The following ZFP3 variants were observed in gnomAD, a reference collection of about 807,000 sequenced individuals.
ZFP3 encodes the protein ZFP3 zinc finger protein.
In ZFP3, 18 loss-of-function variants were observed where a neutral mutation model predicts 36.7. That is an observed-to-expected ratio of 0.49 (90% CI 0.34 to 0.73). The LOEUF (loss-of-function observed/expected upper bound fraction) is 0.73, where lower values mean the gene tolerates loss of function less well. Ranked by LOEUF, ZFP3 falls within the 30% of genes least tolerant of loss-of-function variation. ZFP3 has a pLI of 0.01. For missense variants in ZFP3, 495 were observed against 599.0 expected, an observed-to-expected ratio of 0.83 and a Z score of 1.81; for synonymous variants, 218 against 199.0, an observed-to-expected ratio of 1.10 and a Z score of -0.81.
At position 5,092,228 on chromosome 17, in the gene ZFP3, C is replaced by T. The variant is rs201947091; in HGVS notation, c.724C>T (p.Leu242=). The change falls in exon 2 of 2, where the codon CTA becomes TTA. Residue 242 remains leucine, a synonymous_variant. Coordinates refer to ENST00000318833, the MANE Select transcript of ZFP3 (RefSeq NM_153018.3). This position sits in a 1 kb window ranked among gnomAD's most constrained non-coding sequence, Gnocchi z 5.0. ...KAFSQNSALI[L]HQRIHTGEKP... is the part of the protein sequence containing the mutation. ...CTTCAGTCAAAATTCAGCCCTTATT[C>T]TACACCAGAGAATCCATACTGGAGA... 6.2e-7 allele frequency: 1 copy of T among 1,614,114 alleles called. No homozygotes were observed. The highest frequency in any genetic ancestry group is 1.7e-5 in the Admixed American group (1 of 60,018).
chr17:5,081,290 C>T (rs2143518144), intron 1 of ZFP3, among the ~76,000 whole-genome samples: 1 of 152,034 alleles, frequency 6.6e-6, no homozygotes, highest in East Asian at 2.0e-4. Flanking sequence ...GGTGGGGTTT[C>T]ACCGTGTTAG....
chr17:5,086,404 T>G (rs1465180659), intron 1 of ZFP3, among the ~76,000 whole-genome samples: 1 of 152,166 alleles, frequency 6.6e-6, no homozygotes, highest in Non-Finnish European at 1.5e-5. Context: ...CCTTACCACA[T>G]GACTCCAGCC....
rs1279721404 is a variant in ZFP3 at position 5,091,569 on chromosome 17, G to A, written c.65G>A (p.Gly22Glu). ...EEISEESEPH[G>E]SLLEKFPKVV... ...ATTTCTGAAGAATCTGAGCCACATG[G>A]GTCATTATTAGAAAAATTTCCAAAA... Residue 22 changes from glycine (G) to glutamate (E), a missense_variant, in exon 2 of 2, where the codon GGG (glycine) becomes GAG (glutamate). By Grantham distance (98) the Gly-to-Glu change is moderately conservative. Transcript: ENST00000318833. 1 of 1,614,160 alleles carries A rather than the reference G, an allele frequency of 6.2e-7. No homozygotes were observed. Among genetic ancestry groups the A allele is most frequent in the Non-Finnish European group, 8.5e-7 (1 of 1,180,030 alleles).
chr17:5,079,845 G>A (rs755571110), intron 1 of ZFP3, among the ~76,000 whole-genome samples: 1 of 152,050 alleles, frequency 6.6e-6, no homozygotes, highest in Non-Finnish European at 1.5e-5. Context: ...CTCGAGACCA[G>A]CCTGGCCAAC....
At chr17:5,087,640 C>T (rs1370172000) in intron 1 of ZFP3, among the ~76,000 whole-genome samples, 2 of 152,066 alleles carry the variant, frequency 1.3e-5, no homozygotes, top group Non-Finnish European at 2.9e-5. Flanking sequence ...CAATAATAGT[C>T]ACTAGCCCTG....
At chr17:5,090,755 C>T (rs887466587) in intron 1 of ZFP3, among the ~76,000 whole-genome samples, 9 of 152,074 alleles carry the variant, frequency 5.9e-5, no homozygotes, top group Admixed American at 1.3e-4. Flanking sequence ...ATTGCAACCT[C>T]CGCCTCCCTG....
At position 5,092,761 on chromosome 17, in the gene ZFP3, AC is replaced by A; in HGVS notation, c.1261del (p.His421IlefsTer126). 2 of 1,614,112 alleles carry A rather than the reference AC, an allele frequency of 1.2e-6. No individual in the cohort carries two copies. The highest frequency in any genetic ancestry group is 1.7e-6 in the Non-Finnish European group (2 of 1,180,030). On this transcript the variant is annotated frameshift_variant, in exon 2 of 2. Coordinates refer to ENST00000318833, the MANE Select transcript of ZFP3 (RefSeq NM_153018.3). LOFTEE classifies it high-confidence loss of function. This position sits in a 1 kb window ranked among gnomAD's most constrained non-coding sequence, Gnocchi z 5.0. Reference sequence around the variant, plus strand: ...ACCAGAGAATTCATACTGGAGAGAAACCCCATCAATGTAATGAGTGTGCAAG... The same window carrying A: ...ACCAGAGAATTCATACTGGAGAGAAACCCATCAATGTAATGAGTGTGCAAG... Reference protein sequence around the residue: ...VHQRIHTGEKPHQCNECARTF... With the variant: ...VHQRIHTGEKXHQCNECARTF...
Position 5,091,739 on chromosome 17 carries a change from T to C in ZFP3, c.235T>C (p.Ser79Pro), listed in dbSNP as rs936442325. ...FPSGLMIFKK[S>P]PSSEKDRENN... is the part of the protein sequence containing the mutation. The stretch of plus-strand genomic sequence containing the variant: ...ATCAGGGTTGATGATCTTTAAGAAA[T>C]CACCCTCAAGTGAGAAAGACCGGGA... Residue 79 changes from serine (S) to proline (P), a missense_variant, in exon 2 of 2, where the codon TCA becomes CCA. By Grantham distance (74) the Ser-to-Pro change is moderately conservative. Around this residue, in one of 3 missense-constraint regions of ZFP3, gnomAD observed 229 missense variants for 233.8 expected, o/e 0.98. Coordinates refer to ENST00000318833, the MANE Select transcript of ZFP3 (RefSeq NM_153018.3). 8.1e-6 allele frequency: 13 copies of C among 1,614,000 alleles called. No individual in the cohort carries two copies. The highest frequency in any genetic ancestry group is 1.1e-5 in the South Asian group (1 of 91,084).
At chr17:5,087,892 C>T (rs928644841) in intron 1 of ZFP3, among the ~76,000 whole-genome samples, 4 of 152,076 alleles carry the variant, frequency 2.6e-5, no homozygotes, top group African/African-American at 9.7e-5. Context: ...TTGATGTGTT[C>T]CATACAGGTT....
At chr17:5,091,369 G>A in intron 1 of ZFP3, 128 bp from the exon 2 acceptor site, 2 of 1,006,590 alleles carry the variant, frequency 2.0e-6, no homozygotes, top group Non-Finnish European at 2.8e-6. Context: ...TGCCTCAGCT[G>A]CCCTCCTCCC....
At chr17:5,088,042 C>T (rs1229446881) in intron 1 of ZFP3, among the ~76,000 whole-genome samples, 2 of 152,188 alleles carry the variant, frequency 1.3e-5, no homozygotes, top group Non-Finnish European at 2.9e-5. Flanking sequence ...TCATGCTACA[C>T]TCAGGCTGAG....
rs778475538 is a variant in ZFP3 at position 5,096,029 on chromosome 17, C to G, written c.*3016C>G. 1 of 167,048 alleles carries G rather than the reference C, an allele frequency of 6.0e-6. No homozygotes were observed. Among genetic ancestry groups the G allele is most frequent in the Non-Finnish European group, 1.5e-5 (1 of 68,106 alleles). 10.3% of individuals were successfully genotyped at this position (167,048 alleles called of 1,614,324 possible). The stretch of plus-strand genomic sequence containing the variant: ...GTACATATACGCAAATCCTTAACCT[C>G]AATTCTCTGTCCTCTTCATGTCTTA... On this transcript the variant is annotated 3_prime_UTR_variant, in exon 2 of 2. Coordinates refer to ENST00000318833, the MANE Select transcript of ZFP3 (RefSeq NM_153018.3).
In ZFP3 at chr17:5,093,010, G is replaced by A; in HGVS notation, c.1506G>A (p.Glu502=). ...GACATCAAAGTGTTCACTGTATGGAGTAATCTGCAAAATAGGAAAGCTTTT... is the reference window on the plus strand; with the variant it reads ...GACATCAAAGTGTTCACTGTATGGAATAATCTGCAAAATAGGAAAGCTTTT... ...LLRHQSVHCM[E] Residue 502 remains glutamate, a synonymous_variant, in exon 2 of 2, where the codon GAG becomes GAA. Transcript: ENST00000318833. 1 of 1,560,228 alleles carries A rather than the reference G, an allele frequency of 6.4e-7. No homozygotes were observed. The highest frequency in any genetic ancestry group is 8.6e-7 in the Non-Finnish European group (1 of 1,156,364).
chr17:5,083,654 CTGAT>C (rs2072105647), intron 1 of ZFP3, among the ~76,000 whole-genome samples: 1 of 151,962 alleles, frequency 6.6e-6, no homozygotes, highest in African/African-American at 2.4e-5. Context: ...ACTAGAGATT[CTGAT>C]TCTGAGAGAT....
In ZFP3 at chr17:5,092,603, T is replaced by C. The variant is rs2143534166; in HGVS notation, c.1099T>C (p.Cys367Arg). 6.2e-7 allele frequency: 1 copy of C among 1,614,150 alleles called. No individual in the cohort carries two copies. The change falls in exon 2 of 2, where the codon TGT becomes CGT. Residue 367 changes from cysteine to arginine, a missense_variant. Coordinates refer to ENST00000318833, the MANE Select transcript of ZFP3 (RefSeq NM_153018.3). This position sits in a 1 kb window ranked among gnomAD's most constrained non-coding sequence, Gnocchi z 5.0. ...RIHTGEKPYVCKECGKAFRGN... is the reference protein window; with the variant it reads ...RIHTGEKPYVRKECGKAFRGN... ...TCATACTGGTGAGAAGCCCTATGTA[T>C]GTAAGGAATGTGGGAAGGCCTTCAG...
chr17:5,079,577 A>C (rs1243869898), intron 1 of ZFP3, among the ~76,000 whole-genome samples: 1 of 152,256 alleles, frequency 6.6e-6, no homozygotes, highest in East Asian at 1.9e-4. Context: ...AACATTTACC[A>C]GGTATCTGAA....
intron 1 of ZFP3, among the ~76,000 whole-genome samples, chr17:5,081,760 C>A (rs1422188959): frequency 6.6e-6 from 1 of 151,556 alleles, no homozygotes; most frequent in Non-Finnish European, 1.5e-5. Context: ...TGCCACCACG[C>A]CCGGCTAATT....
chr17:5,079,058 G>T, intron 1 of ZFP3, among the ~76,000 whole-genome samples: 1 of 152,216 alleles, frequency 6.6e-6, no homozygotes, highest in Non-Finnish European at 1.5e-5. Context: ...CCTATTGTGG[G>T]TCAGAGGGAG....
chr17:5,081,632 C>T (rs2072093824), intron 1 of ZFP3, among the ~76,000 whole-genome samples: 3 of 150,968 alleles, frequency 2.0e-5, no homozygotes, highest in South Asian at 2.1e-4. Flanking sequence ...GACGGAGTCT[C>T]GCTCTATCAC....
Sources: allele counts gnomAD v4.1 joint callset (sites outside exome capture counted in the v4.1 genomes callset), GRCh38; gene constraint gnomAD v4.1.1; regional missense constraint gnomAD v4.1.1; non-coding constraint Gnocchi (gnomAD v3.1); transcripts MANE v1.5; gene names NCBI Gene and HGNC (gene_info 2026-07-23, HGNC 2026-07-21).